Variants in DCC observed in about 807,000 individuals in gnomAD.
DCC encodes the protein DCC netrin 1 receptor.
In DCC, 58 loss-of-function variants were observed where a neutral mutation model predicts 172.5. The ratio of observed to expected loss-of-function variants is 0.34; its 90% CI spans 0.27 to 0.42. The LOEUF is 0.42. DCC is among the 10% of genes least tolerant of loss of function. The pLI is 1.00. For synonymous variants in DCC, 709 were observed against 644.5 expected, an observed-to-expected ratio of 1.10 and a Z score of -1.52; for missense variants, 1,740 against 1,791.0, an observed-to-expected ratio of 0.97 and a Z score of 0.51.
intron 1 of DCC, among the ~76,000 whole-genome samples, chr18:52,600,220 C>T (rs2033989253): frequency 6.6e-6 from 1 of 152,154 alleles, no homozygotes; most frequent in African/African-American, 2.4e-5. Flanking sequence ...TCCCCCACAC[C>T]TACATTGATA....
chr18:53,468,865 C>G (rs1042444477), intron 25 of DCC, among the ~76,000 whole-genome samples: 2 of 152,142 alleles, frequency 1.3e-5, no homozygotes, highest in Non-Finnish European at 1.5e-5. Flanking sequence ...CCCATTACTT[C>G]TATGCTCAGT....
intron 19 of DCC, among the ~76,000 whole-genome samples, chr18:53,407,528 G>GATATATATATATATATATATATATATAT (rs74180422): frequency 1.7e-5 from 2 of 117,432 alleles, no homozygotes; most frequent in Non-Finnish European, 3.5e-5. Context: ...TTTTATTCTG[G>GATATATATATATATATATATATATATAT]ATATATATAT....
rs1361221983 is a variant in DCC, at chr18:52,717,133, T to C, written c.92-34921T>C. ...TGGGAACAGAAGTCCACTGAGCTTC[T>C]GCAGATTGACCGAGAGTTGTCTAGA... On this transcript the variant is annotated intron_variant, in intron 1 of 28. Transcript: ENST00000442544. 2.0e-5 allele frequency among the ~76,000 whole-genome samples: 3 copies of C among 152,188 alleles called. No homozygotes were observed. In the East Asian group the frequency reaches 5.8e-4, roughly 29 times the overall value.
rs149309203 is a variant in DCC at position 53,097,016 on chromosome 18, G to A, written c.1261+30850G>A. ...AGGAAGAAAAGATGAAACAAAAAGT[G>A]GAGGTGGACTTCACTGTACTTGAAG... On this transcript the variant is annotated intron_variant, in intron 7 of 28. Transcript: ENST00000442544. Among the ~76,000 whole-genome samples the A allele has an allele frequency of 1.6e-3, 236 of 152,160 alleles. 1 individual carries two copies. Among genetic ancestry groups the A allele is most frequent in the African/African-American group, 5.4e-3 (226 of 41,570 alleles).
intron 1 of DCC, among the ~76,000 whole-genome samples, chr18:52,346,545 G>T (rs925237407): frequency 1.3e-5 from 2 of 152,126 alleles, no homozygotes; most frequent in African/African-American, 4.8e-5. Flanking sequence ...CCTGAGCTTT[G>T]TCCCAATGGT....
intron 7 of DCC, among the ~76,000 whole-genome samples, chr18:53,115,837 ATTTTC>A: frequency 6.6e-6 from 1 of 151,660 alleles, no homozygotes; most frequent in Middle Eastern, 3.4e-3. Context: ...AAGATTAAAA[ATTTTC>A]TTTAAGACGA....
chr18:52,668,839 T>C (rs2035502216), intron 1 of DCC, among the ~76,000 whole-genome samples: 1 of 152,200 alleles, frequency 6.6e-6, no homozygotes, highest in African/African-American at 2.4e-5. Flanking sequence ...TTCAACAAAT[T>C]ATTTTGGTGC....
intron 27 of DCC, among the ~76,000 whole-genome samples, chr18:53,500,914 A>C (rs2046090165): frequency 6.6e-6 from 1 of 152,036 alleles, no homozygotes; most frequent in Admixed American, 6.6e-5. Context: ...CTCCACACAT[A>C]CTACATTATG....
chr18:52,457,610 G>A (rs1469582701), intron 1 of DCC, among the ~76,000 whole-genome samples: 1 of 152,140 alleles, frequency 6.6e-6, no homozygotes, highest in African/African-American at 2.4e-5. Flanking sequence ...TAAGGTATAT[G>A]TTAGTAAACG....
Position 53,209,033 on chromosome 18 carries a change from A to G in DCC, c.1861+1216A>G, listed in dbSNP as rs367600365. On this transcript the variant is annotated intron_variant, in intron 11 of 28. Coordinates refer to ENST00000442544, the MANE Select transcript of DCC (RefSeq NM_005215.4). ...AGCGTGAGCCACTGCACCCAGCCTC[A>G]AGGGATTTTCCTGCCGAAGCCTCCC... is the stretch of plus-strand genomic sequence containing the variant. Among the ~76,000 whole-genome samples, 173 of 152,284 alleles carry G rather than the reference A, an allele frequency of 1.1e-3. 1 individual carries two copies. Among genetic ancestry groups the G allele is most frequent in the African/African-American group, 4.0e-3 (168 of 41,574 alleles).
chr18:52,472,466 A>C (rs978019974), intron 1 of DCC, among the ~76,000 whole-genome samples: 10 of 152,150 alleles, frequency 6.6e-5, no homozygotes, highest in Admixed American at 1.3e-4. Context: ...TTTGCCATTT[A>C]TTTCACTAAT....
chr18:53,167,169 C>G (rs189712672), intron 8 of DCC, among the ~76,000 whole-genome samples: 2 of 152,270 alleles, frequency 1.3e-5, no homozygotes, highest in African/African-American at 2.4e-5. Context: ...GCTCAACTCA[C>G]AAGTTGTAAC....
chr18:53,068,824 G>A, intron 7 of DCC, among the ~76,000 whole-genome samples: 1 of 133,354 alleles, frequency 7.5e-6, no homozygotes, highest in East Asian at 2.4e-4. Context: ...TGTGTTGCTG[G>A]GGACTGATTG....
intron 1 of DCC, among the ~76,000 whole-genome samples, chr18:52,571,307 T>C (rs936748239): frequency 6.7e-6 from 1 of 150,134 alleles, no homozygotes; most frequent in African/African-American, 2.4e-5. Flanking sequence ...GAGTAGCCTC[T>C]ATGGGTGGGG....
intron 7 of DCC, among the ~76,000 whole-genome samples, chr18:53,116,799 T>C (rs756628719): frequency 6.6e-6 from 1 of 151,708 alleles, no homozygotes; most frequent in Non-Finnish European, 1.5e-5. Flanking sequence ...TTTCTTGATA[T>C]ATAATATATA....
rs1375530359 is a variant in DCC, at chr18:52,768,586, T to TTTATTTCAA, written c.412+16213_412+16221dup. On this transcript the variant is annotated intron_variant, in intron 2 of 28. Transcript: ENST00000442544. ...TGCAGAATTCTTAGTCCCCTGTCTG[T>TTTATTTCAA]TTATTTCAACATTTGTATTATGTTG... Among the ~76,000 whole-genome samples, 8 of 152,158 alleles carry TTTATTTCAA rather than the reference T, an allele frequency of 5.3e-5. 1 individual carries two copies. The highest frequency in any genetic ancestry group is 3.4e-3 in the Middle Eastern group (1 of 294).
At chr18:52,507,019 T>C (rs541048919) in intron 1 of DCC, among the ~76,000 whole-genome samples, 1 of 152,210 alleles carries the variant, frequency 6.6e-6, no homozygotes, top group Non-Finnish European at 1.5e-5. Flanking sequence ...AGCTTTGGAA[T>C]GAATCCAAAG....
At chr18:52,447,951 T>G (rs1988176261) in intron 1 of DCC, among the ~76,000 whole-genome samples, 1 of 152,112 alleles carries the variant, frequency 6.6e-6, no homozygotes, top group Non-Finnish European at 1.5e-5. Flanking sequence ...CAACATGAGA[T>G]TTGATGGGGA....
At chr18:52,518,054 T>G (rs1416182131) in intron 1 of DCC, among the ~76,000 whole-genome samples, 6 of 152,206 alleles carry the variant, frequency 3.9e-5, no homozygotes, top group Non-Finnish European at 7.3e-5. Context: ...GATTGTGGCA[T>G]TGTTTTCCTG....
Sources: allele counts gnomAD v4.1 joint callset (sites outside exome capture counted in the v4.1 genomes callset), GRCh38; gene constraint gnomAD v4.1.1; transcripts MANE v1.5; gene names NCBI Gene and HGNC (gene_info 2026-07-23, HGNC 2026-07-21).